CLVS1: variants seen among roughly 807,000 people sequenced by gnomAD.
CLVS1 encodes the protein clavesin-1.
In CLVS1, 10 loss-of-function variants were observed where a neutral mutation model predicts 33.1. That is an observed-to-expected ratio of 0.30 (90% CI 0.19 to 0.51). The LOEUF (loss-of-function observed/expected upper bound fraction) is 0.51, where lower values mean the gene tolerates loss of function less well. Among genes scored for constraint, CLVS1 ranks in the 20% least tolerant of loss-of-function variants. The pLI, the probability that CLVS1 is intolerant of heterozygous loss-of-function variation, is 0.97. For missense variants in CLVS1, 343 were observed against 433.4 expected (o/e 0.79, Z 1.85); for synonymous variants, 163 against 166.1 (o/e 0.98, Z 0.14).
chr8:61,190,922 C>A (rs1807458276), intron 2 of CLVS1, among the ~76,000 whole-genome samples: 2 of 152,146 alleles, frequency 1.3e-5, no homozygotes, highest in Non-Finnish European at 1.5e-5. Context: ...CAGATGGATT[C>A]ACAGCTGAAT....
At chr8:61,279,937 T>C (rs1304339575) in intron 2 of CLVS1, among the ~76,000 whole-genome samples, 1 of 152,144 alleles carries the variant, frequency 6.6e-6, no homozygotes, top group Non-Finnish European at 1.5e-5. Flanking sequence ...GTCATGGAGG[T>C]ATAAAATTAC....
chr8:61,397,395 T>G (rs1036430999), intron 3 of CLVS1, among the ~76,000 whole-genome samples: 2 of 152,180 alleles, frequency 1.3e-5, no homozygotes, highest in Admixed American at 1.3e-4. Flanking sequence ...TTAATTTTTT[T>G]AATTTTGGAG....
chr8:61,121,763 C>T (rs1436284996), intron 1 of CLVS1, among the ~76,000 whole-genome samples: 2 of 152,084 alleles, frequency 1.3e-5, no homozygotes, highest in Non-Finnish European at 2.9e-5. Context: ...AACACACCCA[C>T]ACACACACAG....
chr8:61,117,162 G>T (rs1805744110), intron 1 of CLVS1, among the ~76,000 whole-genome samples: 5 of 121,224 alleles, frequency 4.1e-5, no homozygotes, highest in Admixed American at 3.4e-4. Flanking sequence ...TCATGATTTG[G>T]CTCTCTGTTT....
intron 2 of CLVS1, among the ~76,000 whole-genome samples, chr8:61,258,435 T>C (rs1280015685): frequency 6.6e-6 from 1 of 152,198 alleles, no homozygotes; most frequent in Non-Finnish European, 1.5e-5. Context: ...TTTTATTTCA[T>C]ATCATTGAGC....
intron 2 of CLVS1, among the ~76,000 whole-genome samples, chr8:61,375,665 G>T (rs1188565065): frequency 6.6e-6 from 1 of 152,140 alleles, no homozygotes; most frequent in Non-Finnish European, 1.5e-5. Context: ...AGAGGACTTG[G>T]CTTCTGATTT....
chr8:60,968,950 A>G, the CLVS1 span, among the ~76,000 whole-genome samples: 1 of 151,766 alleles, frequency 6.6e-6, no homozygotes, highest in African/African-American at 2.4e-5. Flanking sequence ...GAGGCCAGGC[A>G]TGGTGCTATG....
the CLVS1 span, among the ~76,000 whole-genome samples, chr8:61,014,121 G>A: frequency 2.7e-5 from 4 of 149,790 alleles, no homozygotes; most frequent in African/African-American, 9.9e-5. Context: ...TGTAAAGGTG[G>A]CGTGGTCTCT....
intron 3 of CLVS1, among the ~76,000 whole-genome samples, chr8:61,385,989 C>T (rs1393517767): frequency 2.0e-5 from 3 of 152,148 alleles, no homozygotes; most frequent in African/African-American, 7.2e-5. Flanking sequence ...CATTTTTTAA[C>T]TTACTGTCCA....
chr8:61,474,769 C>T (rs1817851782), intron 5 of CLVS1, among the ~76,000 whole-genome samples: 1 of 152,144 alleles, frequency 6.6e-6, no homozygotes, highest in East Asian at 1.9e-4. Flanking sequence ...CCCGAGGACT[C>T]TATTTTCCCA....
intron 1 of CLVS1, among the ~76,000 whole-genome samples, chr8:61,077,723 AT>A (rs11350565): frequency 0.43 from 65,099 of 151,928 alleles, 14,812 homozygotes; most frequent in East Asian, 0.62. Flanking sequence ...GCAGACCAGG[AT>A]TTTTAAATAG....
At chr8:61,345,221 C>T (rs1028940600) in intron 2 of CLVS1, among the ~76,000 whole-genome samples, 7 of 152,204 alleles carry the variant, frequency 4.6e-5, no homozygotes, top group Non-Finnish European at 5.9e-5. Flanking sequence ...TTTCTCAAGG[C>T]AGTAGGCCCC....
intron 1 of CLVS1, among the ~76,000 whole-genome samples, chr8:61,100,017 G>A (rs1805420911): frequency 1.3e-5 from 2 of 152,136 alleles, no homozygotes; most frequent in Non-Finnish European, 2.9e-5. Context: ...TGAAACATGG[G>A]AAACACCATC....
the CLVS1 span, among the ~76,000 whole-genome samples, chr8:61,010,051 G>A: frequency 6.6e-6 from 1 of 152,194 alleles, no homozygotes; most frequent in Non-Finnish European, 1.5e-5. Context: ...GGAATGGGGA[G>A]GGAGTAGGGA....
chr8:61,304,182 T>C (rs1037213097), intron 2 of CLVS1, among the ~76,000 whole-genome samples: 1 of 152,244 alleles, frequency 6.6e-6, no homozygotes, highest in Non-Finnish European at 1.5e-5. Flanking sequence ...AAGGGTTTAC[T>C]AAGATTAAAA....
intron 5 of CLVS1, among the ~76,000 whole-genome samples, chr8:61,476,205 T>A (rs1288803691): frequency 6.6e-6 from 1 of 152,252 alleles, no homozygotes; most frequent in Non-Finnish European, 1.5e-5. Flanking sequence ...TGTAGCCTTG[T>A]AGCATAGTTT....
rs139573163 is a variant in CLVS1 at position 61,221,234 on chromosome 8, G to A, written c.-151-78443G>A. Among the ~76,000 whole-genome samples, 767 of 152,308 alleles carry A rather than the reference G, an allele frequency of 5.0e-3. 10 individuals carry two copies. Among genetic ancestry groups the A allele is most frequent in the African/African-American group, 0.018 (731 of 41,574 alleles). ...TCCAATTCTATGTTGAACAGGAGTG[G>A]TGAAAGAGGGCATCCTTTTCTTGTG... On this transcript the variant is annotated intron_variant, in intron 2 of 2. Transcript: ENST00000522621.
intron 2 of CLVS1, among the ~76,000 whole-genome samples, chr8:61,353,289 C>A (rs1009725237): frequency 6.6e-6 from 1 of 151,866 alleles, no homozygotes; most frequent in African/African-American, 2.4e-5. Context: ...ATAGACTGTA[C>A]CTGAAGTCAT....
chr8:61,068,938 C>T (rs1441133635), intron 1 of CLVS1, among the ~76,000 whole-genome samples: 1 of 152,142 alleles, frequency 6.6e-6, no homozygotes, highest in African/African-American at 2.4e-5. Flanking sequence ...CTTGCATTTC[C>T]ATTTGTCCCT....
Sources: allele counts gnomAD v4.1 joint callset (sites outside exome capture counted in the v4.1 genomes callset), GRCh38; gene constraint gnomAD v4.1.1; transcripts MANE v1.5; gene names NCBI Gene and HGNC (gene_info 2026-07-23, HGNC 2026-07-21).